The following PDZRN3 variants were observed in gnomAD, a reference collection of about 807,000 sequenced individuals.
PDZRN3 encodes the protein E3 ubiquitin-protein ligase PDZRN3.
PDZRN3 carries 38 observed loss-of-function variants against 85.7 expected under a neutral mutation model. The observed-to-expected ratio is 0.44, with a 90% CI of 0.34 to 0.58. The LOEUF (loss-of-function observed/expected upper bound fraction) is 0.58, where lower values mean the gene tolerates loss of function less well. Ranked by LOEUF, PDZRN3 falls within the 20% of genes least tolerant of loss-of-function variation. The pLI, the probability that PDZRN3 is intolerant of heterozygous loss-of-function variation, is 0.01. For missense variants in PDZRN3, 1,629 were observed against 1,506.4 expected, an observed-to-expected ratio of 1.08 and a Z score of -1.35; for synonymous variants, 759 against 638.0, an observed-to-expected ratio of 1.19 and a Z score of -2.86.
intron 3 of PDZRN3, among the ~76,000 whole-genome samples, chr3:73,521,390 G>A (rs988167306): frequency 3.3e-5 from 5 of 152,078 alleles, no homozygotes; most frequent in South Asian, 2.1e-4. Flanking sequence ...AGGGGTAGGC[G>A]GGCAGATGGC....
At chr3:73,551,875 C>T (rs1447981905) in intron 3 of PDZRN3, among the ~76,000 whole-genome samples, 3 of 152,084 alleles carry the variant, frequency 2.0e-5, no homozygotes, top group South Asian at 2.1e-4. Flanking sequence ...TTCATAGCAA[C>T]ACAAAGGCCA....
intron 3 of PDZRN3, among the ~76,000 whole-genome samples, chr3:73,527,856 TA>T (rs1234227474): frequency 6.6e-6 from 1 of 152,006 alleles, no homozygotes; most frequent in Non-Finnish European, 1.5e-5. Flanking sequence ...CCACTTGACC[TA>T]AAAACCAAAG....
At chr3:73,544,585 T>G (rs1701375251) in intron 3 of PDZRN3, among the ~76,000 whole-genome samples, 1 of 152,208 alleles carries the variant, frequency 6.6e-6, no homozygotes. Flanking sequence ...GTTATTATAT[T>G]TGAATGATAA....
Position 73,624,710 on chromosome 3 carries a change from G to T in PDZRN3, c.116C>A (p.Ala39Asp). The T allele has an allele frequency of 1.3e-6, 2 of 1,529,670 alleles. No homozygotes were observed. Among genetic ancestry groups the T allele is most frequent in the Non-Finnish European group, 1.7e-6 (2 of 1,145,548 alleles). 94.8% of individuals were successfully genotyped at this position (1,529,670 alleles called of 1,614,324 possible). A position where few individuals can be genotyped will look rare whatever the true frequency, so the allele number is the denominator to read the frequency against. The change falls in exon 1 of 10, where the codon GCC becomes GAC. Residue 39 changes from alanine to aspartate, a missense_variant. Ala to Asp is a moderately radical substitution (Grantham distance 126). Transcript: ENST00000263666. ...LTTPCGHVFCAGCVLPWVVQE... is the reference protein window; with the variant it reads ...LTTPCGHVFCDGCVLPWVVQE... ...CACCACCCAGGGCAGCACGCAGCCG[G>T]CGCAGAAGACGTGGCCGCACGGCGT...
intron 3 of PDZRN3, among the ~76,000 whole-genome samples, chr3:73,417,383 C>T (rs1229955332): frequency 1.3e-5 from 2 of 152,110 alleles, no homozygotes; most frequent in Non-Finnish European, 2.9e-5. Context: ...AGCAGTGGTC[C>T]GTATTTTATT....
chr3:73,468,414 C>G (rs1559695413), intron 3 of PDZRN3, among the ~76,000 whole-genome samples: 1 of 151,984 alleles, frequency 6.6e-6, no homozygotes. Context: ...CTTTTCCCCC[C>G]TCTCCATGCC....
rs567746295 is a variant in PDZRN3 at position 73,583,611 on chromosome 3, A to G, written c.918+18743T>C. Among the ~76,000 whole-genome samples the G allele has an allele frequency of 4.6e-4, 70 of 152,234 alleles. 1 individual carries two copies. Among genetic ancestry groups the G allele is most frequent in the African/African-American group, 1.6e-3 (68 of 41,536 alleles). ...AGCCATAAGCACCTTCAGGACCCAA[A>G]ACAAAATTTAACAACAGGAAGGGAG... On this transcript the variant is annotated intron_variant, in intron 3 of 9. Transcript: ENST00000263666.
intron 6 of PDZRN3, among the ~76,000 whole-genome samples, chr3:73,390,384 A>T (rs984393110): frequency 7.9e-5 from 12 of 152,236 alleles, no homozygotes; most frequent in African/African-American, 2.9e-4. Flanking sequence ...AATGACATAC[A>T]ACCAAAGAGA....
intron 3 of PDZRN3, among the ~76,000 whole-genome samples, chr3:73,573,928 G>A (rs369750425): frequency 1.3e-4 from 20 of 152,094 alleles, no homozygotes; most frequent in African/African-American, 3.9e-4. Context: ...AAATATAGAA[G>A]GGTGTTTCTA....
chr3:73,386,226 C>CT lies in PDZRN3; in HGVS notation c.1519-442dup, dbSNP rs71126867. Among the ~76,000 whole-genome samples the CT allele has an allele frequency of 7.4e-3, 673 of 90,700 alleles. 53 individuals are homozygous for CT. Among genetic ancestry groups the CT allele is most frequent in the Middle Eastern group, 0.026 (3 of 116 alleles). 59.5% of individuals were successfully genotyped at this position (90,700 alleles called of 152,430 possible). The stretch of plus-strand genomic sequence containing the variant: ...GCTGTTTGGCTTGGGCAAGATATCA[C>CT]TTTTTTTTTTTTTTTTTTTGAGACA... On this transcript the variant is annotated intron_variant, in intron 8 of 9. Coordinates refer to ENST00000263666, the MANE Select transcript of PDZRN3 (RefSeq NM_015009.3).
chr3:73,415,451 TATTTTC>T (rs1702058981), intron 3 of PDZRN3, among the ~76,000 whole-genome samples: 1 of 152,196 alleles, frequency 6.6e-6, no homozygotes, highest in Non-Finnish European at 1.5e-5. Context: ...AAAATATTTT[TATTTTC>T]TATTGTTTAT....
chr3:73,578,260 C>T (rs560455006), intron 3 of PDZRN3, among the ~76,000 whole-genome samples: 1 of 151,794 alleles, frequency 6.6e-6, no homozygotes, highest in East Asian at 1.9e-4. Flanking sequence ...AGCTCCACCT[C>T]CCAGGTCCAC....
intron 3 of PDZRN3, among the ~76,000 whole-genome samples, chr3:73,537,688 C>G (rs1014871567): frequency 6.6e-6 from 1 of 152,104 alleles, no homozygotes; most frequent in African/African-American, 2.4e-5. Flanking sequence ...GGCACCATCT[C>G]AGCTCACTGC....
chr3:73,582,331 A>G (rs796464997), intron 3 of PDZRN3, among the ~76,000 whole-genome samples: 1 of 152,068 alleles, frequency 6.6e-6, no homozygotes, highest in South Asian at 2.1e-4. Context: ...GGGATGGTGC[A>G]TTGAATAAAA....
At chr3:73,591,989 CAT>C (rs1263753365) in intron 3 of PDZRN3, among the ~76,000 whole-genome samples, 3 of 152,158 alleles carry the variant, frequency 2.0e-5, no homozygotes, top group Non-Finnish European at 4.4e-5. Context: ...AACAAGTGAA[CAT>C]ATGTCTACTA....
intron 3 of PDZRN3, among the ~76,000 whole-genome samples, chr3:73,407,523 C>T (rs1701878631): frequency 6.6e-6 from 1 of 152,154 alleles, no homozygotes; most frequent in African/African-American, 2.4e-5. Flanking sequence ...GTGTAAATAT[C>T]ACATAGATAT....
intron 5 of PDZRN3, among the ~76,000 whole-genome samples, chr3:73,399,393 G>C (rs1478021753): frequency 1.3e-5 from 2 of 152,140 alleles, no homozygotes; most frequent in Non-Finnish European, 2.9e-5. Context: ...GGCCAGAGAG[G>C]TGGGGGAAAT....
chr3:73,385,908 A>G (rs112139378), intron 8 of PDZRN3, 123 bp from the exon 9 acceptor site: 108 of 646,254 alleles, frequency 1.7e-4, no homozygotes, highest in African/African-American at 1.6e-3. Flanking sequence ...AGTCATCAAA[A>G]TGCAGTCTGC....
intron 3 of PDZRN3, among the ~76,000 whole-genome samples, chr3:73,487,825 G>T (rs1241817150): frequency 3.9e-5 from 6 of 152,056 alleles, no homozygotes; most frequent in Non-Finnish European, 7.4e-5. Flanking sequence ...CCAGAAGCGG[G>T]GCCTTTGGCT....
Sources: gnomAD v4.1 joint callset for allele counts (sites outside exome capture counted in the v4.1 genomes callset) on GRCh38, gnomAD v4.1.1 for gene constraint, MANE v1.5 for transcripts, NCBI Gene and HGNC (gene_info 2026-07-23, HGNC 2026-07-21) for gene names.